Variants in RNPEPL1 observed in about 807,000 individuals in gnomAD.
RNPEPL1 encodes the protein arginyl aminopeptidase like 1, also known as aminopeptidase RNPEPL1.
RNPEPL1 carries 46 observed loss-of-function variants against 69.0 expected under a neutral mutation model. The ratio of observed to expected loss-of-function variants is 0.67; its 90% CI spans 0.53 to 0.85. The LOEUF (loss-of-function observed/expected upper bound fraction) is 0.85. Ranked by LOEUF, RNPEPL1 falls within the 40% of genes least tolerant of loss-of-function variation. The pLI, the probability that RNPEPL1 is intolerant of heterozygous loss-of-function variation, is 0.00. For synonymous variants in RNPEPL1, 525 were observed against 454.1 expected, an observed-to-expected ratio of 1.16 and a Z score of -1.98; for missense variants, 869 against 992.5, an observed-to-expected ratio of 0.88 and a Z score of 1.67.
At chr2:240,571,602 C>T (rs1028809357) in intron 1 of RNPEPL1, among the ~76,000 whole-genome samples, 4 of 151,832 alleles carry the variant, frequency 2.6e-5, no homozygotes, top group African/African-American at 4.8e-5. Context: ...AGGAGGGCCC[C>T]GGGTGTGCAG....
At position 240,569,021 on chromosome 2, in the gene RNPEPL1, C is replaced by T. The variant is rs2093013358; in HGVS notation, c.435C>T (p.Tyr145=). 3 of 1,510,252 alleles carry T rather than the reference C, an allele frequency of 2.0e-6. No individual in the cohort carries two copies. The highest frequency in any genetic ancestry group is 2.6e-6 in the Non-Finnish European group (3 of 1,136,930). The allele number at this position is 1,510,252 out of a possible 1,614,324, so 93.6% of individuals were successfully genotyped here. A position where few individuals can be genotyped will look rare whatever the true frequency, so the allele number is the denominator to read the frequency against. ...LAFRVDPFTD[Y]GSSLTVTLPP... is the part of the protein sequence containing the mutation. ...TCAGGGTGGACCCGTTCACCGACTA[C>T]GGCTCCTCGCTCACCGTCACGCTGC... The change falls in exon 1 of 11, where the codon TAC becomes TAT. Residue 145 remains tyrosine (Y), a synonymous_variant. Coordinates refer to ENST00000270357, the MANE Select transcript of RNPEPL1 (RefSeq NM_018226.6).
At chr2:240,574,078 C>T (rs778493864) in intron 4 of RNPEPL1, 35 bp from the exon 5 acceptor site, 47 of 1,583,288 alleles carry the variant, frequency 3.0e-5, no homozygotes, top group African/African-American at 8.1e-5. Flanking sequence ...GTCTGAGCCC[C>T]GAGGTCTGCC....
chr2:240,575,573 C>A lies in RNPEPL1; in HGVS notation c.1473C>A (p.Phe491Leu). ...QDLLDSFLSF[F>L]PELKEQSVDC... ...TGCTGGACTCCTTCCTGAGCTTCTTCCCGGAGCTGAAGGAGCAGAGCGTGG... is the reference window on the plus strand; with the variant it reads ...TGCTGGACTCCTTCCTGAGCTTCTTACCGGAGCTGAAGGAGCAGAGCGTGG... Residue 491 changes from phenylalanine (F) to leucine (L), a missense_variant, in exon 8 of 11, where the codon TTC (phenylalanine) becomes TTA (leucine). Phe to Leu is a conservative substitution (Grantham distance 22, BLOSUM62 0). Around this residue, in one of 2 missense-constraint regions of RNPEPL1, gnomAD observed 610 missense variants for 790.9 expected, o/e 0.77. Transcript: ENST00000270357. The A allele has an allele frequency of 6.2e-7, 1 of 1,613,444 alleles. No homozygotes were observed. The highest frequency in any genetic ancestry group is 8.5e-7 in the Non-Finnish European group (1 of 1,179,984).
At chr2:240,573,573 C>G (rs376117374) in intron 3 of RNPEPL1, among the ~76,000 whole-genome samples, 66 of 152,352 alleles carry the variant, frequency 4.3e-4, no homozygotes, top group Middle Eastern at 3.4e-3. Flanking sequence ...CTACGTGGCC[C>G]CTGGAATGCA....
At chr2:240,569,174 CTCGCCGCACGGCCAG>C (rs2093013960) in intron 1 of RNPEPL1, 60 bp downstream of exon 1, 1 of 1,367,294 alleles carries the variant, frequency 7.3e-7, no homozygotes, top group African/African-American at 1.5e-5. Context: ...CTAGCGGCCT[CTCGCCGCACGGCCAG>C]GCTGAGGGAC....
rs1422448046 is a variant in RNPEPL1 at position 240,573,171 on chromosome 2, G to A, written c.731G>A (p.Gly244Asp). The stretch of plus-strand genomic sequence containing the variant: ...CGGAGTGCATACATGGAGGAAGAAG[G>A]CGTCTTCCACTTCCACATGGAGCAC... ...ATRSAYMEEE[G>D]VFHFHMEHPV... The change falls in exon 3 of 11, where the codon GGC (glycine) becomes GAC (aspartate). Residue 244 changes from glycine (G) to aspartate (D), a missense_variant. Physicochemically the swap from Gly to Asp is moderately conservative, Grantham distance 94. Transcript: ENST00000270357. 1.2e-6 allele frequency: 2 copies of A among 1,607,828 alleles called. No homozygotes were observed. The highest frequency in any genetic ancestry group is 1.7e-6 in the Non-Finnish European group (2 of 1,178,056).
rs117359246 is a variant in RNPEPL1, at chr2:240,572,557, C to T, written c.663C>T (p.Val221=). 7.5e-4 allele frequency: 1,154 copies of T among 1,536,144 alleles called. 25 individuals are homozygous for T. In the East Asian group the frequency reaches 0.02, roughly 26 times the overall value. ...TPAVKCTYSA[V]VKAPSGVQVL... is the part of the protein sequence containing the mutation. ...CCGTGAAGTGCACCTACTCTGCCGT[C>T]GTCAAGGTCAGGGGCCGCCAGCTGC... The change falls in exon 2 of 11, where the codon GTC becomes GTT. Residue 221 remains valine, a synonymous_variant. Coordinates refer to ENST00000270357, the MANE Select transcript of RNPEPL1 (RefSeq NM_018226.6).
At chr2:240,574,681 C>T in intron 6 of RNPEPL1, 53 bp downstream of exon 6, 2 of 1,402,102 alleles carry the variant, frequency 1.4e-6, no homozygotes, top group African/African-American at 1.4e-5. Flanking sequence ...CCCCTCAAGG[C>T]CTCCTTGCCT....
Position 240,576,545 on chromosome 2 carries a change from C to G in RNPEPL1, c.1521C>G (p.Phe507Leu), listed in dbSNP as rs764805521. 6.2e-7 allele frequency: 1 copy of G among 1,611,256 alleles called. No individual in the cohort carries two copies. The highest frequency in any genetic ancestry group is 8.5e-7 in the Non-Finnish European group (1 of 1,179,282). Residue 507 changes from phenylalanine (F) to leucine (L), a missense_variant, in exon 9 of 11, where the codon TTC becomes TTG. Transcript: ENST00000270357. ...ACTTCTCCCCTCTAGGGCTGGAATTCGAGCGCTGGCTCAATGCCACAGGCC... is the reference window on the plus strand; with the variant it reads ...ACTTCTCCCCTCTAGGGCTGGAATTGGAGCGCTGGCTCAATGCCACAGGCC... ...QSVDCRAGLE[F>L]ERWLNATGPP... is the part of the protein sequence containing the mutation.
intron 7 of RNPEPL1, 153 bp downstream of exon 7, chr2:240,575,295 T>C (rs2093034491): frequency 2.7e-6 from 2 of 730,708 alleles, no homozygotes; most frequent in Admixed American, 2.3e-5. Flanking sequence ...TTGTGGGGAG[T>C]GCCTGGGTTG....
chr2:240,573,420 G>A (rs996928461), intron 3 of RNPEPL1, among the ~76,000 whole-genome samples, 159 bp downstream of exon 3: 2 of 151,842 alleles, frequency 1.3e-5, no homozygotes, highest in East Asian at 4.0e-4. Flanking sequence ...CACCGCCAGG[G>A]CCCTGCCACC....
In RNPEPL1 at chr2:240,573,045, C is replaced by A. The variant is rs1009731919; in HGVS notation, c.670-65C>A. ...CGAATATGGGGCTGCCTGACAGGCT[C>A]CCCGGCCGGGGCTATGGGTGTGCTG... is the stretch of plus-strand genomic sequence containing the variant. On this transcript the variant is annotated intron_variant, in intron 2 of 10. Transcript: ENST00000270357. 6.1e-6 allele frequency: 9 copies of A among 1,480,756 alleles called. No homozygotes were observed. In the African/African-American group the frequency reaches 1.3e-4, roughly 21 times the overall value. The allele number at this position is 1,480,756 out of a possible 1,614,324, so 91.7% of individuals were successfully genotyped here.
chr2:240,575,624 C>T lies in RNPEPL1; in HGVS notation c.1510+14C>T, dbSNP rs372064131. On this transcript the variant is annotated intron_variant, in intron 8 of 10. Transcript: ENST00000270357. ...ACTGCCGGGCAGGTGAGGCTGACCCCCAACCCTGCAGCCAGGGAGCCGTGG... is the reference window on the plus strand; with the variant it reads ...ACTGCCGGGCAGGTGAGGCTGACCCTCAACCCTGCAGCCAGGGAGCCGTGG... The T allele has an allele frequency of 1.9e-6, 3 of 1,607,334 alleles. No homozygotes were observed. The highest frequency in any genetic ancestry group is 2.6e-6 in the Non-Finnish European group (3 of 1,174,920).
At chr2:240,573,074 G>T in intron 2 of RNPEPL1, 36 bp from the exon 3 acceptor site, 1 of 1,557,584 alleles carries the variant, frequency 6.4e-7, no homozygotes, top group Non-Finnish European at 8.7e-7. Context: ...TGTGCTGACG[G>T]TGGGGCCACC....
At position 240,568,789 on chromosome 2, in the gene RNPEPL1, T is replaced by A. The variant is rs1355798617; in HGVS notation, c.203T>A (p.Leu68Gln). ...AGCLVLELCA[L>Q]RPAPRALVLD... is the part of the protein sequence containing the mutation. ...TGCCTGGTGCTCGAGCTGTGCGCGC[T>A]GCGGCCCGCGCCCCGCGCGCTCGTG... Residue 68 changes from leucine (L) to glutamine (Q), a missense_variant, in exon 1 of 11, where the codon CTG becomes CAG. By Grantham distance (113) the Leu-to-Gln change is moderately radical. This residue lies in a region of RNPEPL1 where 259 missense variants were observed against 201.5 expected (regional missense o/e 1.29). Coordinates refer to ENST00000270357, the MANE Select transcript of RNPEPL1 (RefSeq NM_018226.6). The surrounding 1 kb of genome is among the most constrained non-coding windows in gnomAD (Gnocchi z 6.2). The A allele has an allele frequency of 4.9e-5, 53 of 1,076,028 alleles. No individual in the cohort carries two copies. The highest frequency in any genetic ancestry group is 5.6e-5 in the Non-Finnish European group (50 of 887,746). The allele number at this position is 1,076,028 out of a possible 1,614,324, so 66.7% of individuals were successfully genotyped here. A position where few individuals can be genotyped will look rare whatever the true frequency, so the allele number is the denominator to read the frequency against.
Position 240,568,931 on chromosome 2 carries a change from G to GCCGCCC in RNPEPL1, c.350_355dup (p.Pro117_Pro118dup). The GCCGCCC allele has an allele frequency of 7.5e-7, 1 of 1,327,704 alleles. No homozygotes were observed. Among genetic ancestry groups the GCCGCCC allele is most frequent in the Middle Eastern group, 2.8e-4 (1 of 3,516 alleles). 82.2% of individuals were successfully genotyped at this position (1,327,704 alleles called of 1,614,324 possible). A position where few individuals can be genotyped will look rare whatever the true frequency, so the allele number is the denominator to read the frequency against. ...CCGCCCCCGGGCCGGGGCCCGCGCC[G>GCCGCCC]CCGCCCCCGCTGCCCGCCTTCCCCG... On this transcript the variant is annotated inframe_insertion, in exon 1 of 11. Transcript: ENST00000270357. This position sits in a 1 kb window ranked among gnomAD's most constrained non-coding sequence, Gnocchi z 6.2.
chr2:240,575,761 C>G (rs770747616), intron 8 of RNPEPL1, 151 bp downstream of exon 8: 7 of 659,398 alleles, frequency 1.1e-5, no homozygotes, highest in Non-Finnish European at 1.9e-5. Context: ...ATGTGGGCCC[C>G]AGGCTGGTAT....
chr2:240,573,246 C>G lies in RNPEPL1; in HGVS notation c.806C>G (p.Ala269Gly). ...VALVAGDLKP[A>G]DIGPRSRVWA... ...CTGGTGGCCGGAGACCTCAAGCCGGCAGACATCGGGCCCAGGTAGGGCCTC... is the reference window on the plus strand; with the variant it reads ...CTGGTGGCCGGAGACCTCAAGCCGGGAGACATCGGGCCCAGGTAGGGCCTC... Residue 269 changes from alanine to glycine, a missense_variant, in exon 3 of 11, where the codon GCA becomes GGA. Ala to Gly is a moderately conservative substitution (Grantham distance 60). Around this residue, in one of 2 missense-constraint regions of RNPEPL1, gnomAD observed 610 missense variants for 790.9 expected, o/e 0.77. Transcript: ENST00000270357. 6.4e-7 allele frequency: 1 copy of G among 1,566,158 alleles called. No individual in the cohort carries two copies. Among genetic ancestry groups the G allele is most frequent in the Non-Finnish European group, 8.7e-7 (1 of 1,155,698 alleles).
Position 240,577,688 on chromosome 2 carries a change from G to C in RNPEPL1, c.1974G>C (p.Gln658His). 4 of 1,612,782 alleles carry C rather than the reference G, an allele frequency of 2.5e-6. No individual in the cohort carries two copies. The highest frequency in any genetic ancestry group is 3.4e-6 in the Non-Finnish European group (4 of 1,179,742). ...CGCTGGAGGTCTTCTACCAGACGCA[G>C]GGCCGGCTGCACCCCAACCTGCGCA... ...SFALEVFYQTQGRLHPNLRRA... is the reference protein window; with the variant it reads ...SFALEVFYQTHGRLHPNLRRA... The change falls in exon 11 of 11, where the codon CAG (glutamine) becomes CAC (histidine). Residue 658 changes from glutamine to histidine, a missense_variant. Coordinates refer to ENST00000270357, the MANE Select transcript of RNPEPL1 (RefSeq NM_018226.6).
Sources: allele counts gnomAD v4.1 joint callset (sites outside exome capture counted in the v4.1 genomes callset), GRCh38; gene constraint gnomAD v4.1.1; regional missense constraint gnomAD v4.1.1; non-coding constraint Gnocchi (gnomAD v3.1); transcripts MANE v1.5; gene names NCBI Gene and HGNC (gene_info 2026-07-23, HGNC 2026-07-21).